AFM: variants seen among roughly 807,000 people sequenced by gnomAD.
AFM encodes afamin.
In AFM, 82 loss-of-function variants were observed where a neutral mutation model predicts 68.7. That is an observed-to-expected ratio of 1.19 (90% confidence interval 1.00 to 1.43). The LOEUF (loss-of-function observed/expected upper bound fraction) is 1.43, where lower values mean the gene tolerates loss of function less well. AFM is among the 40% of genes most tolerant of loss of function. The probability of loss-of-function intolerance (pLI) is 0.00; values close to 1 mark genes in which losing one functional copy is unlikely to be tolerated. For missense variants in AFM, 772 were observed against 701.8 expected (o/e 1.10, Z -1.13); for synonymous variants, 250 against 234.2 (o/e 1.07, Z -0.61).
At chr4:73,498,940 G>C (rs1721336146) in intron 10 of AFM, among the ~76,000 whole-genome samples, 174 bp from the exon 11 acceptor site, 1 of 152,088 alleles carries the variant, frequency 6.6e-6, no homozygotes, top group Admixed American at 6.6e-5. Context: ...TAGGAAGCAG[G>C]GTGCAGGAAA....
At chr4:73,481,936 C>A in intron 1 of AFM, 73 bp downstream of exon 1, 1 of 1,114,606 alleles carries the variant, frequency 9.0e-7, no homozygotes, top group Non-Finnish European at 1.3e-6. Flanking sequence ...ATTTTGTTTT[C>A]TTTCAAGTTA....
chr4:73,499,111 C>A lies in AFM; in HGVS notation c.1290-3C>A. ...AGAACCAAACAGACAAATGTTCTTT[C>A]AGTTACCTCATCAGGCTCACGAAGA... is the stretch of plus-strand genomic sequence containing the variant. On this transcript the variant is annotated splice_polypyrimidine_tract_variant and splice_region_variant and intron_variant, in intron 10 of 14. Transcript: ENST00000226355. 3 of 1,609,080 alleles carry A rather than the reference C, an allele frequency of 1.9e-6. No individual in the cohort carries two copies. Among genetic ancestry groups the A allele is most frequent in the Non-Finnish European group, 2.5e-6 (3 of 1,177,528 alleles).
intron 1 of AFM, 111 bp from the exon 2 acceptor site, chr4:73,483,830 C>T (rs536487748): frequency 1.2e-6 from 1 of 837,292 alleles, no homozygotes; most frequent in African/African-American, 1.8e-5. Context: ...TATCTCCTGT[C>T]ATCAGTGGTC....
At chr4:73,483,616 C>A (rs1720774835) in intron 1 of AFM, among the ~76,000 whole-genome samples, 1 of 152,190 alleles carries the variant, frequency 6.6e-6, no homozygotes, top group South Asian at 2.1e-4. Context: ...CTTCTCTAGT[C>A]ATAAATGATA....
intron 7 of AFM, 57 bp from the exon 8 acceptor site, chr4:73,491,813 CAT>C (rs756379283): frequency 4.3e-6 from 6 of 1,411,588 alleles, no homozygotes; most frequent in Non-Finnish European, 5.0e-6. Flanking sequence ...GCCATCATTC[CAT>C]AATGGAAGAA....
Position 73,497,688 on chromosome 4 carries a change from A to G in AFM, c.1228A>G (p.Lys410Glu). 2.5e-6 allele frequency: 4 copies of G among 1,610,464 alleles called. No homozygotes were observed. Among genetic ancestry groups the G allele is most frequent in the Non-Finnish European group, 3.4e-6 (4 of 1,178,098 alleles). The change falls in exon 10 of 15, where the codon AAG (lysine) becomes GAG (glutamate). Residue 410 changes from lysine to glutamate, a missense_variant. By Grantham distance (56) the Lys-to-Glu change is moderately conservative. Coordinates refer to ENST00000226355, the MANE Select transcript of AFM (RefSeq NM_001133.2). ...KFNETTEKSL[K>E]MVQQECKHFQ... ...CAATGAGACAACTGAGAAAAGCCTC[A>G]AGATGGTACAACAAGAATGTAAACA...
intron 9 of AFM, among the ~76,000 whole-genome samples, chr4:73,497,414 T>C (rs1418683046): frequency 1.3e-5 from 2 of 152,168 alleles, no homozygotes; most frequent in Non-Finnish European, 2.9e-5. Context: ...CTCTGAAATA[T>C]GTACAAGGTG....
At chr4:73,487,224 G>T in intron 5 of AFM, 125 bp downstream of exon 5, 1 of 1,061,786 alleles carries the variant, frequency 9.4e-7, no homozygotes, top group Non-Finnish European at 1.3e-6. Flanking sequence ...CACATTCAGT[G>T]ATTTTCAAAC....
At chr4:73,493,424 G>A (rs72856640) in intron 8 of AFM, among the ~76,000 whole-genome samples, 6,470 of 152,172 alleles carry the variant, frequency 0.043, 208 homozygotes, top group African/African-American at 0.084. Flanking sequence ...TTGACTTTGA[G>A]GTACCAGTAG....
intron 7 of AFM, among the ~76,000 whole-genome samples, chr4:73,491,210 TA>T (rs1721061440): frequency 6.6e-6 from 1 of 152,214 alleles, no homozygotes; most frequent in Non-Finnish European, 1.5e-5. Context: ...AACTCTTATG[TA>T]GAGGTTAGAA....
chr4:73,483,175 C>T (rs937071102), intron 1 of AFM, among the ~76,000 whole-genome samples: 2 of 152,184 alleles, frequency 1.3e-5, no homozygotes, highest in Admixed American at 1.3e-4. Flanking sequence ...TACATTTACT[C>T]ATGCTCAACT....
chr4:73,488,721 T>C lies in AFM; in HGVS notation c.805T>C (p.Cys269Arg). 1 of 1,613,352 alleles carries C rather than the reference T, an allele frequency of 6.2e-7. No individual in the cohort carries two copies. Among genetic ancestry groups the C allele is most frequent in the Middle Eastern group, 1.7e-4 (1 of 6,058 alleles). ...AGATGTTTCTTCCAACTATGATGGA[T>C]GCTGTGAAGGGGATGTTGTGCAGTG... ...VEDVSSNYDG[C>R]CEGDVVQCIR... Residue 269 changes from cysteine (C) to arginine (R), a missense_variant, in exon 7 of 15, where the codon TGC becomes CGC. By Grantham distance (180) the Cys-to-Arg change is radical. Transcript: ENST00000226355.
intron 3 of AFM, 128 bp downstream of exon 3, chr4:73,484,518 C>CT (rs373990766): frequency 2.0e-5 from 15 of 737,018 alleles, no homozygotes; most frequent in African/African-American, 7.3e-5. Flanking sequence ...TTCTTTCTTT[C>CT]TTCTTTCTTT....
At position 73,484,377 on chromosome 4, in the gene AFM, G is replaced by T. The variant is rs1218198401; in HGVS notation, c.257G>T (p.Cys86Phe). The stretch of plus-strand genomic sequence containing the variant: ...ATGGCTGACAAGACGCTCCCAGAGT[G>T]TTCAAAATTACCTGTAAGTAAATTG... ...RCMADKTLPE[C>F]SKLPNNVLQE... Residue 86 changes from cysteine (C) to phenylalanine (F), a missense_variant, in exon 3 of 15, where the codon TGT (cysteine) becomes TTT (phenylalanine). Cys to Phe is a radical substitution (Grantham distance 205). Transcript: ENST00000226355. 1.9e-6 allele frequency: 3 copies of T among 1,580,192 alleles called. No homozygotes were observed. Among genetic ancestry groups the T allele is most frequent in the Non-Finnish European group, 2.6e-6 (3 of 1,166,818 alleles).
chr4:73,483,391 A>G (rs1188710678), intron 1 of AFM, among the ~76,000 whole-genome samples: 2 of 152,218 alleles, frequency 1.3e-5, no homozygotes, highest in Non-Finnish European at 2.9e-5. Flanking sequence ...AACACTTTGC[A>G]AAAAATAAAT....
intron 2 of AFM, 81 bp from the exon 3 acceptor site, chr4:73,484,177 A>G (rs547279420): frequency 2.7e-5 from 40 of 1,504,902 alleles, no homozygotes; most frequent in Non-Finnish European, 3.4e-5. Context: ...GAGGCTAGTC[A>G]GGATGTTCCT....
In AFM at chr4:73,486,044, T is replaced by C; in HGVS notation, c.453T>C (p.Tyr151=). The C allele has an allele frequency of 1.9e-6, 3 of 1,614,012 alleles. No individual in the cohort carries two copies. Among genetic ancestry groups the C allele is most frequent in the Middle Eastern group, 1.6e-4 (1 of 6,062 alleles). Residue 151 remains tyrosine, a synonymous_variant, in exon 4 of 15, where the codon TAT becomes TAC. Coordinates refer to ENST00000226355, the MANE Select transcript of AFM (RefSeq NM_001133.2). Reference sequence around the variant, plus strand: ...ATCCCGAAGAGAAATGCCAGGCTTATGAAAGTAACAGAGAATCCCTTTTAA... The same window carrying C: ...ATCCCGAAGAGAAATGCCAGGCTTACGAAAGTAACAGAGAATCCCTTTTAA... The part of the protein sequence containing the change: ...TLDPEEKCQA[Y]ESNRESLLNH...
intron 6 of AFM, among the ~76,000 whole-genome samples, chr4:73,488,155 T>C (rs561885534): frequency 2.0e-4 from 31 of 152,326 alleles, no homozygotes; most frequent in African/African-American, 7.2e-4. Context: ...ACTTTAACAA[T>C]GAGGAGATAA....
At chr4:73,493,280 CT>C (rs1489317307) in intron 8 of AFM, among the ~76,000 whole-genome samples, 2 of 152,178 alleles carry the variant, frequency 1.3e-5, no homozygotes, top group African/African-American at 4.8e-5. Flanking sequence ...GACAAATTCA[CT>C]TTCAGTTTTT....
Sources: gnomAD v4.1 joint callset for allele counts (sites outside exome capture counted in the v4.1 genomes callset) on GRCh38, gnomAD v4.1.1 for gene constraint, MANE v1.5 for transcripts, NCBI Gene and HGNC (gene_info 2026-07-23, HGNC 2026-07-21) for gene names.